Variants in CWC27 observed in about 807,000 individuals in gnomAD.
The protein encoded by CWC27 is CWC27 spliceosome associated cyclophilin.
CWC27 carries 47 observed loss-of-function variants against 63.6 expected under a neutral mutation model. The ratio of observed to expected loss-of-function variants is 0.74; its 90% CI spans 0.58 to 0.94. CWC27 has a LOEUF of 0.94. Ranked by LOEUF, CWC27 falls within the 40% of genes least tolerant of loss-of-function variation. CWC27 has a pLI of 0.00. For missense variants in CWC27, 495 were observed against 554.3 expected (o/e 0.89, Z 1.07); for synonymous variants, 175 against 179.8 (o/e 0.97, Z 0.22).
At chr5:64,951,055 A>G (rs2112425064) in intron 11 of CWC27, among the ~76,000 whole-genome samples, 1 of 152,034 alleles carries the variant, frequency 6.6e-6, no homozygotes, top group South Asian at 2.1e-4. Flanking sequence ...TTTTTTAAGT[A>G]TTATGAATAA....
At chr5:65,004,709 A>T (rs1367990096) in intron 13 of CWC27, among the ~76,000 whole-genome samples, 2 of 149,598 alleles carry the variant, frequency 1.3e-5, no homozygotes, top group Non-Finnish European at 3.0e-5. Flanking sequence ...TTTATTTGTT[A>T]TCTGTTACTG....
At chr5:64,796,573 C>T (rs1744270123) in intron 7 of CWC27, among the ~76,000 whole-genome samples, 1 of 152,230 alleles carries the variant, frequency 6.6e-6, no homozygotes, top group Admixed American at 6.5e-5. Flanking sequence ...AATTTAAATA[C>T]TAATCATATC....
intron 11 of CWC27, among the ~76,000 whole-genome samples, chr5:64,925,322 A>G: frequency 6.6e-6 from 1 of 152,162 alleles, no homozygotes; most frequent in Non-Finnish European, 1.5e-5. Flanking sequence ...CTGCTTTTAC[A>G]CATCTTCACC....
chr5:64,959,145 G>A (rs1223807677), intron 11 of CWC27, among the ~76,000 whole-genome samples: 1 of 152,090 alleles, frequency 6.6e-6, no homozygotes, highest in African/African-American at 2.4e-5. Context: ...AAATACACAT[G>A]TATAGAGACC....
intron 7 of CWC27, among the ~76,000 whole-genome samples, chr5:64,798,837 A>G (rs1744372315): frequency 6.6e-6 from 1 of 152,224 alleles, no homozygotes; most frequent in African/African-American, 2.4e-5. Context: ...ATTTTCTTCA[A>G]AATTTTTCAA....
intron 11 of CWC27, among the ~76,000 whole-genome samples, chr5:64,962,965 T>A (rs571601620): frequency 1.6e-4 from 25 of 152,272 alleles, no homozygotes; most frequent in African/African-American, 5.8e-4. Context: ...ATAAAGAGTT[T>A]CTATTTTGTG....
Position 64,802,095 on chromosome 5 carries a change from G to C in CWC27, c.780+763G>C, listed in dbSNP as rs141337813. On this transcript the variant is annotated intron_variant, in intron 9 of 13. Coordinates refer to ENST00000381070, the MANE Select transcript of CWC27 (RefSeq NM_005869.4). ...TGTCTTATATGAGAGTTAGGAGTTA[G>C]CTAAGTCAGAAAAGAAAGTGATGAA... Among the ~76,000 whole-genome samples the C allele has an allele frequency of 1.5e-3, 222 of 152,260 alleles. 1 individual carries two copies. The highest frequency in any genetic ancestry group is 4.9e-3 in the African/African-American group (205 of 41,564).
intron 11 of CWC27, among the ~76,000 whole-genome samples, chr5:64,894,643 A>G (rs1344727129): frequency 1.3e-5 from 2 of 152,214 alleles, no homozygotes; most frequent in African/African-American, 4.8e-5. Context: ...AAAAACAACG[A>G]AAAATGTTGG....
At chr5:65,015,362 GA>G (rs1172314404) in intron 13 of CWC27, among the ~76,000 whole-genome samples, 1 of 152,208 alleles carries the variant, frequency 6.6e-6, no homozygotes, top group Non-Finnish European at 1.5e-5. Context: ...ATATGTATAT[GA>G]AGAGGTATTA....
chr5:64,952,032 C>T (rs1580746037), intron 11 of CWC27, among the ~76,000 whole-genome samples: 1 of 151,816 alleles, frequency 6.6e-6, no homozygotes, highest in Non-Finnish European at 1.5e-5. Flanking sequence ...GGATTGGTTC[C>T]AGGACCTCCT....
intron 10 of CWC27, among the ~76,000 whole-genome samples, chr5:64,871,772 G>A (rs1746681954): frequency 6.6e-6 from 1 of 152,144 alleles, no homozygotes; most frequent in Non-Finnish European, 1.5e-5. Flanking sequence ...TGATACACTT[G>A]ATTTGGGCAG....
chr5:64,946,717 T>A (rs931782004), intron 11 of CWC27, among the ~76,000 whole-genome samples: 6 of 152,130 alleles, frequency 3.9e-5, no homozygotes, highest in Admixed American at 6.6e-5. Context: ...TATAGAAAAT[T>A]ACCTGTCAAG....
At chr5:64,945,773 T>C (rs531915365) in intron 11 of CWC27, among the ~76,000 whole-genome samples, 1 of 152,316 alleles carries the variant, frequency 6.6e-6, no homozygotes, top group Non-Finnish European at 1.5e-5. Context: ...TGATATTTTG[T>C]AGAATACTGT....
intron 12 of CWC27, among the ~76,000 whole-genome samples, chr5:64,974,674 A>T (rs1019906071): frequency 1.3e-5 from 2 of 152,178 alleles, no homozygotes; most frequent in African/African-American, 4.8e-5. Flanking sequence ...ATGTGGAGAG[A>T]TATATTTATG....
chr5:64,878,470 T>TAAAAAAAAAAAAAAAAAAAAAAAAAA (rs397998002), intron 10 of CWC27, among the ~76,000 whole-genome samples: 2 of 26,936 alleles, frequency 7.4e-5, no homozygotes, highest in Non-Finnish European at 1.4e-4. Flanking sequence ...GGTTACAGAT[T>TAAAAAAAAAAAAAAAAAAAAAAAAAA]AAAAAAAAAA....
chr5:64,816,721 T>C (rs1745042658), intron 10 of CWC27, among the ~76,000 whole-genome samples: 1 of 152,178 alleles, frequency 6.6e-6, no homozygotes, highest in South Asian at 2.1e-4. Context: ...TTATGTGTGG[T>C]AGAACCCAAA....
chr5:64,945,844 C>T (rs931230337), intron 11 of CWC27, among the ~76,000 whole-genome samples: 28 of 152,154 alleles, frequency 1.8e-4, no homozygotes, highest in Non-Finnish European at 3.7e-4. Context: ...TATGAATTGA[C>T]GTTAGTGGGG....
intron 10 of CWC27, among the ~76,000 whole-genome samples, chr5:64,861,150 G>T (rs1159739709): frequency 6.6e-6 from 1 of 151,960 alleles, no homozygotes; most frequent in Non-Finnish European, 1.5e-5. Context: ...GCTTTTCCAT[G>T]TGCTACCTTT....
rs762043149 is a variant in CWC27 at position 64,801,282 on chromosome 5, T to C, written c.750-20T>C. The C allele has an allele frequency of 7.1e-7, 1 of 1,414,972 alleles. No individual in the cohort carries two copies. The highest frequency in any genetic ancestry group is 9.5e-7 in the Non-Finnish European group (1 of 1,048,804). The allele number at this position is 1,414,972 out of a possible 1,614,324, so 87.7% of individuals were successfully genotyped here. On this transcript the variant is annotated intron_variant, in intron 8 of 13. Transcript: ENST00000381070. ...GTTTTACCTTGAAACTAAAATTTGTTTTGCTTATTTTTTTTATAGTGAAAA... is the reference window on the plus strand; with the variant it reads ...GTTTTACCTTGAAACTAAAATTTGTCTTGCTTATTTTTTTTATAGTGAAAA...
Sources: allele counts gnomAD v4.1 joint callset (sites outside exome capture counted in the v4.1 genomes callset), GRCh38; gene constraint gnomAD v4.1.1; transcripts MANE v1.5; gene names NCBI Gene and HGNC (gene_info 2026-07-23, HGNC 2026-07-21).